Variants in BMP8B observed in about 807,000 individuals in gnomAD.
BMP8B encodes the protein bone morphogenetic protein 8b, also known as bone morphogenetic protein 8 (osteogenic protein 2).
BMP8B carries 17 observed loss-of-function variants against 30.3 expected under a neutral mutation model. The observed-to-expected ratio is 0.56, with a 90% CI of 0.38 to 0.84. The LOEUF (loss-of-function observed/expected upper bound fraction) is 0.84. Among genes scored for constraint, BMP8B ranks in the 40% least tolerant of loss-of-function variants. The pLI, the probability that BMP8B is intolerant of heterozygous loss-of-function variation, is 0.00. For missense variants in BMP8B, 253 were observed against 494.6 expected, an observed-to-expected ratio of 0.51 and a Z score of 4.63; for synonymous variants, 131 against 214.7, an observed-to-expected ratio of 0.61 and a Z score of 3.41.
chr1:39,766,320 G>A (rs562074256), intron 3 of BMP8B, among the ~76,000 whole-genome samples: 26 of 145,872 alleles, frequency 1.8e-4, no homozygotes, highest in African/African-American at 5.8e-4. Context: ...CAGTTTACAC[G>A]AAAGTACATT....
intron 1 of BMP8B, among the ~76,000 whole-genome samples, chr1:39,777,507 G>A (rs985123032): frequency 5.9e-5 from 9 of 152,204 alleles, no homozygotes; most frequent in East Asian, 3.8e-4. Flanking sequence ...GTTGGCTTCC[G>A]CTGGCCACAT....
intron 3 of BMP8B, chr1:39,771,107 A>G (rs1649943984): frequency 6.4e-6 from 10 of 1,559,080 alleles, no homozygotes; most frequent in Non-Finnish European, 7.9e-6. Context: ...GATGTCCTTC[A>G]CCATCTCCAC....
At chr1:39,763,035 C>T (rs920006217) in intron 6 of BMP8B, 57 bp downstream of exon 6, 8 of 1,585,314 alleles carry the variant, frequency 5.0e-6, no homozygotes, top group African/African-American at 4.0e-5. Context: ...TGGACCAGAC[C>T]CCTCTCCACA....
chr1:39,775,465 G>T (rs1650159110), intron 1 of BMP8B, among the ~76,000 whole-genome samples: 1 of 152,218 alleles, frequency 6.6e-6, no homozygotes, highest in South Asian at 2.1e-4. Context: ...TGGTAGACAG[G>T]AACATAACCG....
intron 3 of BMP8B, chr1:39,770,186 T>A: frequency 3.0e-6 from 4 of 1,340,530 alleles, no homozygotes; most frequent in Non-Finnish European, 4.0e-6. Context: ...GAGGTCGGCA[T>A]CCACCTCATC....
intron 3 of BMP8B, chr1:39,770,700 G>T (rs781045390): frequency 7.8e-7 from 1 of 1,290,224 alleles, no homozygotes; most frequent in African/African-American, 1.9e-5. Flanking sequence ...ACCTCTCGGG[G>T]CTGGCTCATG....
At chr1:39,772,860 CA>C (rs1298521118) in intron 3 of BMP8B, among the ~76,000 whole-genome samples, 5 of 141,594 alleles carry the variant, frequency 3.5e-5, no homozygotes, top group Non-Finnish European at 7.8e-5. Context: ...CCACTGAAGT[CA>C]GGGGGTTCTT....
chr1:39,777,974 G>A (rs1183241478), intron 1 of BMP8B, among the ~76,000 whole-genome samples: 7 of 152,222 alleles, frequency 4.6e-5, no homozygotes, highest in East Asian at 1.9e-4. Flanking sequence ...AGCCTCTCCC[G>A]GCCCCCATGC....
chr1:39,762,245 A>G (rs1649095518), intron 6 of BMP8B: 1 of 345,474 alleles, frequency 2.9e-6, no homozygotes, highest in Middle Eastern at 7.8e-4. Flanking sequence ...TTTAATTTTT[A>G]TTTTAGAGAC....
intron 6 of BMP8B, chr1:39,762,523 C>T: frequency 6.5e-7 from 1 of 1,550,038 alleles, no homozygotes; most frequent in South Asian, 1.2e-5. Flanking sequence ...TAAGGTTGCC[C>T]CAGATACCAA....
intron 4 of BMP8B, among the ~76,000 whole-genome samples, chr1:39,764,394 G>C (rs1649443983): frequency 6.6e-6 from 1 of 151,722 alleles, no homozygotes; most frequent in African/African-American, 2.4e-5. Context: ...GGAGGAGCCA[G>C]GGGGAGAGAG....
At chr1:39,780,062 C>A (rs1412364671) in intron 1 of BMP8B, among the ~76,000 whole-genome samples, 2 of 152,170 alleles carry the variant, frequency 1.3e-5, no homozygotes, top group Admixed American at 6.5e-5. Context: ...CTCATGGCCT[C>A]CCCCAGAACG....
intron 1 of BMP8B, among the ~76,000 whole-genome samples, chr1:39,786,617 G>A (rs969389905): frequency 6.6e-6 from 1 of 152,122 alleles, no homozygotes; most frequent in Admixed American, 6.5e-5. Flanking sequence ...GGCTCCCTGG[G>A]GACATTCTTG....
intron 1 of BMP8B, among the ~76,000 whole-genome samples, chr1:39,780,537 C>G (rs1167154383): frequency 6.6e-6 from 1 of 152,210 alleles, no homozygotes; most frequent in African/African-American, 2.4e-5. Flanking sequence ...AAGGGACACA[C>G]AGAAGCTCCT....
chr1:39,775,068 C>A lies in BMP8B; in HGVS notation c.335-30G>T, dbSNP rs528796341. The A allele has an allele frequency of 6.3e-6, 8 of 1,266,234 alleles. No homozygotes were observed. The East Asian group carries it at 1.5e-4, about 24-fold the overall frequency. 78.4% of individuals were successfully genotyped at this position (1,266,234 alleles called of 1,614,324 possible). Reference sequence around the variant, plus strand: ...AAGACAAAGCAGCGCTGGGCTGGCACTCAGAATGGCTCGGGCTCTGGAGGG... The same window carrying A: ...AAGACAAAGCAGCGCTGGGCTGGCAATCAGAATGGCTCGGGCTCTGGAGGG... On this transcript the variant is annotated intron_variant, in intron 1 of 6. Coordinates refer to ENST00000372827, the MANE Select transcript of BMP8B (RefSeq NM_001720.5).
intron 1 of BMP8B, among the ~76,000 whole-genome samples, chr1:39,783,457 A>C (rs774488888): frequency 2.0e-5 from 3 of 152,242 alleles, no homozygotes; most frequent in Non-Finnish European, 4.4e-5. Flanking sequence ...AACTTTGGGG[A>C]AAAGGGACCC....
At chr1:39,780,394 T>C (rs1333970921) in intron 1 of BMP8B, among the ~76,000 whole-genome samples, 2 of 152,204 alleles carry the variant, frequency 1.3e-5, no homozygotes, top group African/African-American at 4.8e-5. Flanking sequence ...GACTCCAAAG[T>C]CTACATTCAC....
chr1:39,763,415 C>T (rs1474927296), intron 5 of BMP8B, among the ~76,000 whole-genome samples: 2 of 145,224 alleles, frequency 1.4e-5, no homozygotes, highest in South Asian at 2.2e-4. Flanking sequence ...CCCCTGCCCA[C>T]GCCTCCCAGA....
intron 1 of BMP8B, among the ~76,000 whole-genome samples, chr1:39,782,601 G>A (rs1421117169): frequency 6.6e-6 from 1 of 152,004 alleles, no homozygotes; most frequent in Non-Finnish European, 1.5e-5. Flanking sequence ...CCAAGTAGCT[G>A]GGATTACAGG....
Sources: allele counts gnomAD v4.1 joint callset (sites outside exome capture counted in the v4.1 genomes callset), GRCh38; gene constraint gnomAD v4.1.1; transcripts MANE v1.5; gene names NCBI Gene and HGNC (gene_info 2026-07-23, HGNC 2026-07-21).